LIMK2: variants seen among roughly 807,000 people sequenced by gnomAD.
LIMK2 encodes the protein LIM domain kinase 2.
In LIMK2, 35 loss-of-function variants were observed where a neutral mutation model predicts 75.7. That is an observed-to-expected ratio of 0.46 (90% CI 0.35 to 0.61). The LOEUF is 0.61. Among genes scored for constraint, LIMK2 ranks in the 20% least tolerant of loss-of-function variants. LIMK2 has a pLI of 0.00. For synonymous variants in LIMK2, 301 were observed against 319.2 expected, an observed-to-expected ratio of 0.94 and a Z score of 0.61; for missense variants, 623 against 831.0, an observed-to-expected ratio of 0.75 and a Z score of 3.08.
chr22:31,277,988 G>C (rs1335442951), intron 15 of LIMK2, among the ~76,000 whole-genome samples: 3 of 152,138 alleles, frequency 2.0e-5, no homozygotes, highest in Non-Finnish European at 2.9e-5. Flanking sequence ...CGTGGCACTA[G>C]GAGCCTGGTG....
At chr22:31,275,608 C>CGGCG in intron 15 of LIMK2, 2 of 338,994 alleles carry the variant, frequency 5.9e-6, no homozygotes, top group Non-Finnish European at 1.1e-5. Context: ...TTTCGATATT[C>CGGCG]CCCTGTCCAT....
At chr22:31,235,871 C>T (rs924530249) in intron 2 of LIMK2, among the ~76,000 whole-genome samples, 1 of 152,152 alleles carries the variant, frequency 6.6e-6, no homozygotes. Flanking sequence ...GTAATGAAAG[C>T]AGTATTGTGT....
Position 31,262,680 on chromosome 22 carries a change from G to A in LIMK2, c.743G>A (p.Arg248Gln), listed in dbSNP as rs887228775. The change falls in exon 7 of 16, where the codon CGG becomes CAG. Residue 248 changes from arginine to glutamine, a missense_variant. Coordinates refer to ENST00000331728, the MANE Select transcript of LIMK2 (RefSeq NM_005569.4). This position sits in a 1 kb window ranked among gnomAD's most constrained non-coding sequence, Gnocchi z 5.0. Reference sequence around the variant, plus strand: ...GTCTCCCAACGCCTGGACCAGCTGCGGCTGGAGGCCCGGCTCGCTCCTCAC... The same window carrying A: ...GTCTCCCAACGCCTGGACCAGCTGCAGCTGGAGGCCCGGCTCGCTCCTCAC... ...DPVSQRLDQL[R>Q]LEARLAPHMQ... 5.0e-6 allele frequency: 8 copies of A among 1,614,066 alleles called. No homozygotes were observed. The highest frequency in any genetic ancestry group is 1.6e-4 in the Middle Eastern group (1 of 6,084).
Position 31,267,921 on chromosome 22 carries a change from C to T in LIMK2, c.1260+14C>T, listed in dbSNP as rs1403951054. On this transcript the variant is annotated intron_variant, in intron 10 of 15. Transcript: ENST00000331728. ...CTGCGCAGTATGGTGAGCACACCAC[C>T]CCATAGTCTCCAGGAGCCTTGGTGG... is the stretch of plus-strand genomic sequence containing the variant. 6.3e-7 allele frequency: 1 copy of T among 1,583,762 alleles called. No homozygotes were observed. Among genetic ancestry groups the T allele is most frequent in the Non-Finnish European group, 8.6e-7 (1 of 1,166,964 alleles).
At chr22:31,212,479 T>C in intron 1 of LIMK2, 55 bp downstream of exon 1, 1 of 1,312,454 alleles carries the variant, frequency 7.6e-7, no homozygotes. Context: ...TCCGGTTCCA[T>C]GGCGCCTGAG....
chr22:31,278,939 C>G lies in LIMK2; in HGVS notation c.*498C>G, dbSNP rs993573050. On this transcript the variant is annotated 3_prime_UTR_variant, in exon 16 of 16. Transcript: ENST00000331728. ...GGTGTGAAAAAGTCAGTGATGCTCC[C>G]CCTTTCTACTCCAGATCCTGTCCTT... is the stretch of plus-strand genomic sequence containing the variant. 1 of 152,572 alleles carries G rather than the reference C, an allele frequency of 6.6e-6. No individual in the cohort carries two copies. The highest frequency in any genetic ancestry group is 2.4e-5 in the African/African-American group (1 of 41,452). 9.5% of individuals were successfully genotyped at this position (152,572 alleles called of 1,614,324 possible). A position where few individuals can be genotyped will look rare whatever the true frequency, so the allele number is the denominator to read the frequency against.
chr22:31,216,177 A>C (rs2048387520), intron 1 of LIMK2, among the ~76,000 whole-genome samples: 1 of 152,224 alleles, frequency 6.6e-6, no homozygotes, highest in South Asian at 2.1e-4. Flanking sequence ...GGTGGCCATC[A>C]GTTTTGGTTA....
chr22:31,247,766 G>T (rs1381861413), intron 2 of LIMK2, among the ~76,000 whole-genome samples: 1 of 152,186 alleles, frequency 6.6e-6, no homozygotes. Context: ...ATAAAAGAGT[G>T]CATATAGTGT....
At chr22:31,217,830 T>C (rs995119697) in intron 1 of LIMK2, among the ~76,000 whole-genome samples, 3 of 152,250 alleles carry the variant, frequency 2.0e-5, no homozygotes, top group Admixed American at 1.3e-4. Context: ...GTTAATGTAC[T>C]GAGTTTGCCT....
In LIMK2 at chr22:31,225,770, C is replaced by T. The variant is rs2048471749; in HGVS notation, c.67C>T (p.Gln23Ter). ...CTGTGGGGACCACATTGCTCCAAGC[C>T]AGATATGGTACAGGACTGTCAACGA... The part of the protein sequence containing the change: ...PGCGDHIAPS[Q>*]IWYRTVNETW... The change falls in exon 2 of 16, where the codon CAG becomes TAG. Residue 23 changes from glutamine to a stop codon, truncating the protein, a stop_gained. Coordinates refer to ENST00000331728, the MANE Select transcript of LIMK2 (RefSeq NM_005569.4). LOFTEE classifies it high-confidence loss of function. 1.9e-6 allele frequency: 3 copies of T among 1,614,100 alleles called. No homozygotes were observed. The highest frequency in any genetic ancestry group is 2.2e-5 in the East Asian group (1 of 44,880).
At chr22:31,275,610 CCT>C (rs996311164) in intron 15 of LIMK2, 6 of 311,628 alleles carry the variant, frequency 1.9e-5, no homozygotes, top group African/African-American at 6.5e-5. Flanking sequence ...TCGATATTCC[CCT>C]GTCCATATCT....
intron 1 of LIMK2, 41 bp from the exon 2 acceptor site, chr22:31,225,679 C>T (rs769395018): frequency 6.7e-7 from 1 of 1,491,002 alleles, no homozygotes; most frequent in Non-Finnish European, 9.3e-7. Flanking sequence ...CCTTTGCCTC[C>T]TGCTACTTTG....
At chr22:31,252,417 C>G (rs2123821794) in intron 2 of LIMK2, among the ~76,000 whole-genome samples, 1 of 152,032 alleles carries the variant, frequency 6.6e-6, no homozygotes, top group Non-Finnish European at 1.5e-5. Context: ...TGGTGTGCAC[C>G]TGTAGTCCCA....
chr22:31,231,203 T>C (rs1166094996), intron 2 of LIMK2, among the ~76,000 whole-genome samples: 2 of 152,230 alleles, frequency 1.3e-5, no homozygotes, highest in Admixed American at 6.5e-5. Flanking sequence ...GCCCTCACCC[T>C]GCCTGCCACA....
intron 1 of LIMK2, among the ~76,000 whole-genome samples, chr22:31,216,600 T>TCC (rs1366298235): frequency 1.4e-4 from 21 of 152,254 alleles, no homozygotes; most frequent in African/African-American, 4.8e-4. Context: ...AAAAGATGCC[T>TCC]CCTGACATAG....
intron 1 of LIMK2, among the ~76,000 whole-genome samples, chr22:31,221,830 C>A (rs768380697): frequency 8.5e-5 from 13 of 152,150 alleles, no homozygotes; most frequent in Non-Finnish European, 1.6e-4. Flanking sequence ...TGTGTTTAAT[C>A]TCTCTCTTGT....
intron 2 of LIMK2, among the ~76,000 whole-genome samples, chr22:31,239,882 G>T (rs945488360): frequency 6.6e-6 from 1 of 151,328 alleles, no homozygotes; most frequent in Non-Finnish European, 1.5e-5. Flanking sequence ...CCATCTCTTC[G>T]CTCTACAATA....
In LIMK2 at chr22:31,261,273, C is replaced by T. The variant is rs1047293052; in HGVS notation, c.552-861C>T. Among the ~76,000 whole-genome samples the T allele has an allele frequency of 1.3e-4, 20 of 152,256 alleles. No individual in the cohort carries two copies. The East Asian group carries it at 2.9e-3, about 22-fold the overall frequency. On this transcript the variant is annotated intron_variant, in intron 5 of 15. Coordinates refer to ENST00000331728, the MANE Select transcript of LIMK2 (RefSeq NM_005569.4). ...GTCAAGAGTTTGGGATTAGGCCAGGCGCAGTGGCTCACGCCTGTAATCCCA... is the reference window on the plus strand; with the variant it reads ...GTCAAGAGTTTGGGATTAGGCCAGGTGCAGTGGCTCACGCCTGTAATCCCA...
At chr22:31,216,582 C>A (rs1424083105) in intron 1 of LIMK2, among the ~76,000 whole-genome samples, 1 of 152,088 alleles carries the variant, frequency 6.6e-6, no homozygotes, top group African/African-American at 2.4e-5. Context: ...AAGAAGGCAC[C>A]AACCAATAAA....
Sources: allele counts gnomAD v4.1 joint callset (sites outside exome capture counted in the v4.1 genomes callset), GRCh38; gene constraint gnomAD v4.1.1; non-coding constraint Gnocchi (gnomAD v3.1); transcripts MANE v1.5; gene names NCBI Gene and HGNC (gene_info 2026-07-23, HGNC 2026-07-21).